The following KCNQ3 variants were observed in gnomAD, a reference collection of about 807,000 sequenced individuals.
KCNQ3 encodes the protein potassium voltage-gated channel subfamily KQT member 3.
KCNQ3 carries 30 observed loss-of-function variants against 92.5 expected under a neutral mutation model. The ratio of observed to expected loss-of-function variants is 0.32; its 90% CI spans 0.24 to 0.44. The LOEUF is 0.44. Ranked by LOEUF, KCNQ3 falls within the 20% of genes least tolerant of loss-of-function variation. The pLI is 1.00. For synonymous variants in KCNQ3, 450 were observed against 468.8 expected (o/e 0.96, Z 0.52); for missense variants, 913 against 1,140.3 (o/e 0.80, Z 2.87).
rs912912803 is a variant in KCNQ3, at chr8:132,278,184, A to T, written c.387-92003T>A. On this transcript the variant is annotated intron_variant, in intron 1 of 14. Coordinates refer to ENST00000388996, the MANE Select transcript of KCNQ3 (RefSeq NM_004519.4). ...ATTTACAACCCAGAGATGTCATGTA[A>T]ATTGGTTTCACATAGGATGGTAAGA... The T allele has an allele frequency of 5.1e-6, 5 of 985,300 alleles. No homozygotes were observed. In the Admixed American group the frequency reaches 2.5e-4, roughly 48 times the overall value. The allele number at this position is 985,300 out of a possible 1,614,324, so 61.0% of individuals were successfully genotyped here. A position where few individuals can be genotyped will look rare whatever the true frequency, so the allele number is the denominator to read the frequency against.
intron 1 of KCNQ3, among the ~76,000 whole-genome samples, chr8:132,374,868 TA>T (rs1225349516): frequency 6.6e-6 from 1 of 152,264 alleles, no homozygotes; most frequent in African/African-American, 2.4e-5. Flanking sequence ...CATTCTTTTT[TA>T]TGGCTGCATA....
intron 1 of KCNQ3, among the ~76,000 whole-genome samples, chr8:132,236,149 T>C (rs542339846): frequency 6.6e-6 from 1 of 152,326 alleles, no homozygotes; most frequent in East Asian, 1.9e-4. Context: ...GAGCTATCTA[T>C]TCTACTCTTG....
chr8:132,423,574 C>T (rs1033758027), intron 1 of KCNQ3, among the ~76,000 whole-genome samples: 1 of 152,208 alleles, frequency 6.6e-6, no homozygotes, highest in African/African-American at 2.4e-5. Flanking sequence ...AGCATGAGGT[C>T]ACTAACAGCT....
chr8:132,308,434 G>T (rs1406263351), intron 1 of KCNQ3, among the ~76,000 whole-genome samples: 1 of 152,168 alleles, frequency 6.6e-6, no homozygotes, highest in African/African-American at 2.4e-5. Flanking sequence ...GAGGGGAAAG[G>T]CTTGACAAGG....
intron 1 of KCNQ3, among the ~76,000 whole-genome samples, chr8:132,264,891 C>A (rs1207430787): frequency 6.6e-6 from 1 of 152,178 alleles, no homozygotes; most frequent in Non-Finnish European, 1.5e-5. Context: ...CACTTACTAG[C>A]TCTAGCTGTA....
chr8:132,187,927 ATAG>A (rs1171218486), intron 1 of KCNQ3, among the ~76,000 whole-genome samples: 7 of 133,250 alleles, frequency 5.3e-5, no homozygotes, highest in African/African-American at 1.8e-4. Context: ...GTTGGTGGTG[ATAG>A]TGATGGTGGT....
chr8:132,166,079 C>T lies in KCNQ3; in HGVS notation c.1236-2585G>A, dbSNP rs530189467. ...GTTCTTGGTCAAGTATTTTCTACAT[C>T]GTGGGCGAAGTCTTCTTATCTCCAT... On this transcript the variant is annotated intron_variant, in intron 8 of 14. Coordinates refer to ENST00000388996, the MANE Select transcript of KCNQ3 (RefSeq NM_004519.4). 3.3e-5 allele frequency among the ~76,000 whole-genome samples: 5 copies of T among 152,352 alleles called. No individual in the cohort carries two copies. In the East Asian group the frequency reaches 5.8e-4, roughly 18 times the overall value.
chr8:132,461,598 T>A (rs1822063535), intron 1 of KCNQ3, among the ~76,000 whole-genome samples: 1 of 152,146 alleles, frequency 6.6e-6, no homozygotes, highest in Admixed American at 6.6e-5. Context: ...AGGCACCCAC[T>A]GCCTTCCAGG....
chr8:132,291,593 C>G (rs1437469394), intron 1 of KCNQ3, among the ~76,000 whole-genome samples: 1 of 152,146 alleles, frequency 6.6e-6, no homozygotes, highest in Non-Finnish European at 1.5e-5. Flanking sequence ...CAATGTTTAT[C>G]CATTATTGTA....
Position 132,309,036 on chromosome 8 carries a change from C to T in KCNQ3, c.387-122855G>A, listed in dbSNP as rs553149140. Among the ~76,000 whole-genome samples, 85 of 152,270 alleles carry T rather than the reference C, an allele frequency of 5.6e-4. No homozygotes were observed. In the East Asian group the frequency reaches 0.016, roughly 28 times the overall value. On this transcript the variant is annotated intron_variant, in intron 1 of 14. Transcript: ENST00000388996. Reference sequence around the variant, plus strand: ...GGACTGGGAGAGACAGACCCACCCTCAATCTGGGTGGGCACCATCTAATCA... The same window carrying T: ...GGACTGGGAGAGACAGACCCACCCTTAATCTGGGTGGGCACCATCTAATCA...
chr8:132,155,548 C>T (rs1166133301), intron 9 of KCNQ3, among the ~76,000 whole-genome samples: 1 of 152,128 alleles, frequency 6.6e-6, no homozygotes, highest in Non-Finnish European at 1.5e-5. Context: ...GAGATAGGTA[C>T]CCTTATTATA....
intron 1 of KCNQ3, among the ~76,000 whole-genome samples, chr8:132,311,381 C>CCT (rs10647554): frequency 1 from 152,312 of 152,332 alleles, 76,146 homozygotes; most frequent in Middle Eastern, 1. Flanking sequence ...GAGATTGTCC[C>CCT]GTTTACTAAT....
At chr8:132,367,348 A>C (rs1819351285) in intron 1 of KCNQ3, among the ~76,000 whole-genome samples, 2 of 152,226 alleles carry the variant, frequency 1.3e-5, no homozygotes, top group Admixed American at 1.3e-4. Flanking sequence ...TGGGTGTATA[A>C]AGAGCTAGGC....
intron 1 of KCNQ3, among the ~76,000 whole-genome samples, chr8:132,271,566 CT>C (rs1816149247): frequency 1.3e-5 from 2 of 152,180 alleles, no homozygotes; most frequent in South Asian, 4.2e-4. Context: ...TTCACCCTTC[CT>C]TTTATTATTG....
Position 132,174,249 on chromosome 8 carries a change from G to A in KCNQ3, c.1034C>T (p.Ala345Val), listed in dbSNP as rs2130128064. 1 of 1,550,826 alleles carries A rather than the reference G, an allele frequency of 6.4e-7. No individual in the cohort carries two copies. Among genetic ancestry groups the A allele is most frequent in the Non-Finnish European group, 8.7e-7 (1 of 1,146,750 alleles). Residue 345 changes from alanine to valine, a missense_variant, in exon 6 of 15, where the codon GCC becomes GTC. Coordinates refer to ENST00000388996, the MANE Select transcript of KCNQ3 (RefSeq NM_004519.4). ...ATCAAAGGTACTTACCGCTGGAAGG[G>A]CAAAAAAGGAGACGCCAATTAAGGA... ...TFSLIGVSFF[A>V]LPAGILGSGL...
chr8:132,290,828 G>C (rs1170240978), intron 1 of KCNQ3, among the ~76,000 whole-genome samples: 1 of 152,146 alleles, frequency 6.6e-6, no homozygotes, highest in African/African-American at 2.4e-5. Flanking sequence ...ACACACTACT[G>C]TGAGAAATCA....
intron 1 of KCNQ3, among the ~76,000 whole-genome samples, chr8:132,251,217 T>C (rs1815396688): frequency 1.3e-5 from 2 of 151,998 alleles, no homozygotes; most frequent in African/African-American, 4.8e-5. Context: ...CAGTGAGCCA[T>C]GAGTGCACCA....
Position 132,399,716 on chromosome 8 carries a change from G to A in KCNQ3, c.386+80431C>T, listed in dbSNP as rs866835740. On this transcript the variant is annotated intron_variant, in intron 1 of 14. Transcript: ENST00000388996. ...ACATATGTCTGTGTTCTTACTCGATGGTGAGATACTTGAAGAGAAGGGAAA... is the reference window on the plus strand; with the variant it reads ...ACATATGTCTGTGTTCTTACTCGATAGTGAGATACTTGAAGAGAAGGGAAA... Among the ~76,000 whole-genome samples, 60 of 152,256 alleles carry A rather than the reference G, an allele frequency of 3.9e-4. 1 individual carries two copies. Among genetic ancestry groups the A allele is most frequent in the Middle Eastern group, 3.4e-3 (1 of 294 alleles).
chr8:132,130,191 T>C (rs1286125827), intron 14 of KCNQ3, among the ~76,000 whole-genome samples, 195 bp from the exon 15 acceptor site: 1 of 151,494 alleles, frequency 6.6e-6, no homozygotes, highest in Non-Finnish European at 1.5e-5. Context: ...CAAGCAGTTC[T>C]ATGCCTCAGC....
Sources: gnomAD v4.1 joint callset for allele counts (sites outside exome capture counted in the v4.1 genomes callset) on GRCh38, gnomAD v4.1.1 for gene constraint, MANE v1.5 for transcripts, NCBI Gene and HGNC (gene_info 2026-07-23, HGNC 2026-07-21) for gene names.